Variants in USP15 observed in about 807,000 individuals in gnomAD.
USP15 encodes the protein ubiquitin carboxyl-terminal hydrolase 15.
In USP15, 18 loss-of-function variants were observed where a neutral mutation model predicts 127.1. The ratio of observed to expected loss-of-function variants is 0.14; its 90% CI spans 0.10 to 0.21. The LOEUF (loss-of-function observed/expected upper bound fraction) is 0.21, where lower values mean the gene tolerates loss of function less well. Among genes scored for constraint, USP15 ranks in the 10% least tolerant of loss-of-function variants. The pLI is 1.00. For missense variants in USP15, 805 were observed against 1,159.9 expected (o/e 0.69, Z 4.44); for synonymous variants, 364 against 393.7 (o/e 0.92, Z 0.89).
Position 62,415,527 on chromosome 12 carries a change from G to T in USP15, c.*11152G>T, listed in dbSNP as rs1037341289. ...AGTGGTTTGGACCATAGGCTCAGGA[G>T]TTAAACCACCTCTGAGCCTACCACT... On this transcript the variant is annotated 3_prime_UTR_variant, in exon 22 of 22. Coordinates refer to ENST00000280377, the MANE Select transcript of USP15 (RefSeq NM_001252078.2). The T allele has an allele frequency of 6.6e-6, 1 of 152,176 alleles. No individual in the cohort carries two copies. The highest frequency in any genetic ancestry group is 2.4e-5 in the African/African-American group (1 of 41,426). 9.4% of individuals were successfully genotyped at this position (152,176 alleles called of 1,614,324 possible).
At chr12:62,346,972 A>G (rs1387931657) in intron 6 of USP15, among the ~76,000 whole-genome samples, 1 of 152,056 alleles carries the variant, frequency 6.6e-6, no homozygotes, top group Admixed American at 6.6e-5. Context: ...TTTTTAAATC[A>G]CCTTATGTCA....
At chr12:62,402,762 A>G (rs1315758827) in intron 21 of USP15, among the ~76,000 whole-genome samples, 2 of 152,128 alleles carry the variant, frequency 1.3e-5, no homozygotes, top group African/African-American at 2.4e-5. Flanking sequence ...AGTAGCCATT[A>G]GATTGTTAAA....
At chr12:62,329,013 T>G (rs571179101) in intron 6 of USP15, among the ~76,000 whole-genome samples, 1 of 152,352 alleles carries the variant, frequency 6.6e-6, no homozygotes, top group African/African-American at 2.4e-5. Flanking sequence ...ATGCAAAGGC[T>G]AACTCTTGAA....
At chr12:62,302,690 C>A in intron 2 of USP15, 100 bp from the exon 3 acceptor site, 2 of 1,344,422 alleles carry the variant, frequency 1.5e-6, no homozygotes, top group Non-Finnish European at 2.0e-6. Flanking sequence ...GAGCTTAAAA[C>A]TTGTTTTAAA....
Position 62,396,302 on chromosome 12 carries a change from G to A in USP15, c.2578G>A (p.Asp860Asn). The A allele has an allele frequency of 1.3e-6, 2 of 1,577,814 alleles. No homozygotes were observed. The highest frequency in any genetic ancestry group is 1.7e-6 in the Non-Finnish European group (2 of 1,166,004). ...GGTTTCTTTTTTAAACAGTGACTTGGATATGTCGGAATTCTTAATTAATCC... is the reference window on the plus strand; with the variant it reads ...GGTTTCTTTTTTAAACAGTGACTTGAATATGTCGGAATTCTTAATTAATCC... ...TLVDFPINDL[D>N]MSEFLINPNA... Residue 860 changes from aspartate to asparagine, a missense_variant, in exon 20 of 22, where the codon GAT becomes AAT. Asp to Asn is a conservative substitution (Grantham distance 23). Coordinates refer to ENST00000280377, the MANE Select transcript of USP15 (RefSeq NM_001252078.2).
intron 8 of USP15, among the ~76,000 whole-genome samples, chr12:62,363,505 C>T (rs1043066431): frequency 6.6e-6 from 1 of 152,134 alleles, no homozygotes; most frequent in South Asian, 2.1e-4. Context: ...TGCACTCTCA[C>T]TTCCATTAGG....
chr12:62,361,306 C>T (rs2066307850), intron 8 of USP15, among the ~76,000 whole-genome samples: 1 of 152,178 alleles, frequency 6.6e-6, no homozygotes, highest in Middle Eastern at 3.4e-3. Context: ...TGTTCACATT[C>T]TTCTCAGTGA....
At position 62,405,241 on chromosome 12, in the gene USP15, T is replaced by C. The variant is rs1004102029; in HGVS notation, c.*866T>C. The C allele has an allele frequency of 2.0e-5, 3 of 152,154 alleles. No individual in the cohort carries two copies. Among genetic ancestry groups the C allele is most frequent in the Admixed American group, 6.5e-5 (1 of 15,268 alleles). 9.4% of individuals were successfully genotyped at this position (152,154 alleles called of 1,614,324 possible). On this transcript the variant is annotated 3_prime_UTR_variant, in exon 22 of 22. Coordinates refer to ENST00000280377, the MANE Select transcript of USP15 (RefSeq NM_001252078.2). ...TTGGCAACTTGAGCTCTCCCAATTATTGTAATATAAGGACAGACATAATAG... is the reference window on the plus strand; with the variant it reads ...TTGGCAACTTGAGCTCTCCCAATTACTGTAATATAAGGACAGACATAATAG...
intron 1 of USP15, among the ~76,000 whole-genome samples, chr12:62,266,171 A>G (rs974575829): frequency 6.6e-6 from 1 of 152,242 alleles, no homozygotes; most frequent in Admixed American, 6.5e-5. Flanking sequence ...TTAATTGTCT[A>G]TCAATAATCA....
chr12:62,342,890 TGAG>T (rs1480874001), intron 6 of USP15, among the ~76,000 whole-genome samples: 7 of 152,166 alleles, frequency 4.6e-5, no homozygotes, highest in Non-Finnish European at 8.8e-5. Flanking sequence ...GGGACCCACT[TGAG>T]GAGGCAGCCT....
intron 16 of USP15, 95 bp from the exon 17 acceptor site, chr12:62,391,721 C>T: frequency 1.8e-6 from 2 of 1,097,420 alleles, no homozygotes; most frequent in East Asian, 2.7e-5. Context: ...GAAAAGATTG[C>T]TGTTTGTTTA....
intron 2 of USP15, among the ~76,000 whole-genome samples, chr12:62,297,553 G>A (rs907628329): frequency 3.7e-5 from 5 of 136,620 alleles, no homozygotes; most frequent in Admixed American, 7.1e-5. Context: ...GAGATTATGG[G>A]TTTCTGAAAA....
chr12:62,390,967 G>A lies in USP15; in HGVS notation c.1948G>A (p.Glu650Lys). ...NGNGPNGIHE[E>K]GSPSEMETDE... ...GAATGGCCCAAATGGCATACATGAAGAAGGCTCACCAAGTAAGACTTTTCT... is the reference window on the plus strand; with the variant it reads ...GAATGGCCCAAATGGCATACATGAAAAAGGCTCACCAAGTAAGACTTTTCT... The change falls in exon 15 of 22, where the codon GAA becomes AAA. Residue 650 changes from glutamate (E) to lysine (K), a missense_variant. Glu to Lys is a moderately conservative substitution (Grantham distance 56, BLOSUM62 1). This residue lies in a region of USP15 where 225 missense variants were observed against 239.5 expected (regional missense o/e 0.94). Coordinates refer to ENST00000280377, the MANE Select transcript of USP15 (RefSeq NM_001252078.2). 2.5e-6 allele frequency: 4 copies of A among 1,611,498 alleles called. No homozygotes were observed. The highest frequency in any genetic ancestry group is 3.4e-6 in the Non-Finnish European group (4 of 1,178,462).
chr12:62,386,947 A>G (rs1486431317), intron 11 of USP15, among the ~76,000 whole-genome samples: 1 of 152,178 alleles, frequency 6.6e-6, no homozygotes, highest in Non-Finnish European at 1.5e-5. Flanking sequence ...GGAAGTGAAA[A>G]TGTGTAAGTA....
At chr12:62,365,193 A>G (rs1246191) in intron 8 of USP15, among the ~76,000 whole-genome samples, 2,577 of 152,216 alleles carry the variant, frequency 0.017, 38 homozygotes, top group Middle Eastern at 0.031. Context: ...AAGCATTCCT[A>G]TTTCTCCACA....
intron 8 of USP15, among the ~76,000 whole-genome samples, chr12:62,365,729 A>G (rs893000740): frequency 6.6e-6 from 1 of 152,148 alleles, no homozygotes; most frequent in Non-Finnish European, 1.5e-5. Flanking sequence ...TGATTTTTGT[A>G]TAAGTTGTAA....
chr12:62,264,056 C>T (rs369989742), intron 1 of USP15, among the ~76,000 whole-genome samples: 4 of 152,120 alleles, frequency 2.6e-5, no homozygotes, highest in African/African-American at 4.8e-5. Context: ...TGCGTGGTCT[C>T]GGCTCACCGC....
chr12:62,273,079 C>T (rs928217119), intron 1 of USP15, among the ~76,000 whole-genome samples: 1 of 152,026 alleles, frequency 6.6e-6, no homozygotes, highest in African/African-American at 2.4e-5. Flanking sequence ...ATTTCTCCCC[C>T]ACCTTGTCAT....
chr12:62,383,166 T>C (rs776783113), intron 9 of USP15, among the ~76,000 whole-genome samples: 3 of 151,938 alleles, frequency 2.0e-5, no homozygotes, highest in Non-Finnish European at 4.4e-5. Context: ...ACAGGAGTTA[T>C]GTTCAATGAA....
Sources: allele counts gnomAD v4.1 joint callset (sites outside exome capture counted in the v4.1 genomes callset), GRCh38; gene constraint gnomAD v4.1.1; regional missense constraint gnomAD v4.1.1; transcripts MANE v1.5; gene names NCBI Gene and HGNC (gene_info 2026-07-23, HGNC 2026-07-21).